Variants in DMTF1 observed in about 807,000 individuals in gnomAD.
DMTF1 encodes the protein cyclin D binding myb like transcription factor 1, also known as cyclin-D-binding Myb-like transcription factor 1.
Under a neutral mutation model 91.1 loss-of-function variants are expected in DMTF1, and 39 were observed. That is an observed-to-expected ratio of 0.43 (90% confidence interval 0.33 to 0.56). The LOEUF (loss-of-function observed/expected upper bound fraction) is 0.56. DMTF1 is among the 20% of genes least tolerant of loss of function. The pLI is 0.05. For synonymous variants in DMTF1, 338 were observed against 309.5 expected, an observed-to-expected ratio of 1.09 and a Z score of -0.97; for missense variants, 750 against 914.5, an observed-to-expected ratio of 0.82 and a Z score of 2.32.
intron 10 of DMTF1, among the ~76,000 whole-genome samples, chr7:87,182,803 T>A (rs950424555): frequency 2.0e-5 from 3 of 152,244 alleles, no homozygotes; most frequent in Non-Finnish European, 1.5e-5. Context: ...TTTGCTTATT[T>A]TAAACTCAAA....
intron 12 of DMTF1, chr7:87,187,772 CTAAA>C (rs1798787431): frequency 3.3e-6 from 1 of 306,282 alleles, no homozygotes; most frequent in South Asian, 4.3e-5. Flanking sequence ...AGTATTCTTC[CTAAA>C]TAATAATCCT....
At chr7:87,158,919 A>G (rs1356129442) in intron 1 of DMTF1, among the ~76,000 whole-genome samples, 2 of 152,130 alleles carry the variant, frequency 1.3e-5, no homozygotes, top group Non-Finnish European at 2.9e-5. Flanking sequence ...TTTTCAATCA[A>G]TACAAAAATG....
chr7:87,194,074 C>G lies in DMTF1; in HGVS notation c.2000C>G (p.Ser667Cys). The G allele has an allele frequency of 2.5e-6, 4 of 1,605,304 alleles. No homozygotes were observed. The highest frequency in any genetic ancestry group is 3.4e-6 in the Non-Finnish European group (4 of 1,175,918). ...DTDLKQEESP[S>C]DLASAYVTEG... ...GACCTTAAACAAGAGGAATCACCCT[C>G]TGATTTAGCCAGTGCTTATGTTACT... The change falls in exon 16 of 18, where the codon TCT becomes TGT. Residue 667 changes from serine to cysteine, a missense_variant. Coordinates refer to ENST00000331242, the MANE Select transcript of DMTF1 (RefSeq NM_001142327.2).
intron 1 of DMTF1, among the ~76,000 whole-genome samples, chr7:87,157,124 A>G (rs1424330319): frequency 6.6e-6 from 1 of 152,138 alleles, no homozygotes; most frequent in Non-Finnish European, 1.5e-5. Flanking sequence ...GTCAGGAGAA[A>G]AAAACATCTG....
chr7:87,173,753 G>A (rs1406444603), intron 6 of DMTF1, 104 bp downstream of exon 6: 2 of 537,244 alleles, frequency 3.7e-6, no homozygotes, highest in Admixed American at 3.8e-5. Flanking sequence ...CTGGGATTGA[G>A]CAGTTAGAGT....
intron 12 of DMTF1, chr7:87,187,224 A>G (rs991242561): frequency 5.9e-5 from 9 of 152,148 alleles, no homozygotes; most frequent in Admixed American, 2.0e-4. Flanking sequence ...CTTGATGAAA[A>G]TGTGGTTTTT....
At chr7:87,179,010 A>G (rs926921604) in intron 7 of DMTF1, among the ~76,000 whole-genome samples, 1 of 151,990 alleles carries the variant, frequency 6.6e-6, no homozygotes, top group African/African-American at 2.4e-5. Flanking sequence ...CATTTTACCA[A>G]CATTTAAATT....
chr7:87,159,056 A>G (rs1462080470), intron 1 of DMTF1, among the ~76,000 whole-genome samples: 1 of 152,170 alleles, frequency 6.6e-6, no homozygotes, highest in Non-Finnish European at 1.5e-5. Context: ...ATAAAAATTT[A>G]CAGATGGTGG....
chr7:87,175,136 T>G (rs1437340818), intron 7 of DMTF1, among the ~76,000 whole-genome samples: 1 of 151,742 alleles, frequency 6.6e-6, no homozygotes, highest in Non-Finnish European at 1.5e-5. Context: ...TTCTCCTGCC[T>G]CAGCCTCCTG....
chr7:87,194,898 T>TA, intron 17 of DMTF1, 70 bp downstream of exon 17: 1 of 1,513,164 alleles, frequency 6.6e-7, no homozygotes, highest in Non-Finnish European at 9.0e-7. Flanking sequence ...TTTAATTAAC[T>TA]TGTTTCAGTC....
In DMTF1 at chr7:87,175,610, A is replaced by C. The variant is rs1392966876; in HGVS notation, c.519+941A>C. On this transcript the variant is annotated intron_variant, in intron 7 of 17. Transcript: ENST00000331242. ...GAATGATACATGTGAATTCTGTACA[A>C]GATTACAGAAAGAAGAGTTTTTAGA... Among the ~76,000 whole-genome samples the C allele has an allele frequency of 5.3e-5, 8 of 152,200 alleles. No homozygotes were observed. The East Asian group carries it at 1.2e-3, about 22-fold the overall frequency.
At chr7:87,164,610 T>TA (rs1793370049) in intron 2 of DMTF1, among the ~76,000 whole-genome samples, 1 of 152,200 alleles carries the variant, frequency 6.6e-6, no homozygotes, top group African/African-American at 2.4e-5. Flanking sequence ...AAAAACACAG[T>TA]AAAAAAGTGG....
At position 87,163,510 on chromosome 7, in the gene DMTF1, G is replaced by A. The variant is rs949777358; in HGVS notation, c.-116G>A. On this transcript the variant is annotated 5_prime_UTR_variant, in exon 2 of 18. Transcript: ENST00000331242. Reference sequence around the variant, plus strand: ...ACTTTTTCAGAGTGTTGCGGAGATAGGAACATGGGAGAGAAACAATCTGGG... The same window carrying A: ...ACTTTTTCAGAGTGTTGCGGAGATAAGAACATGGGAGAGAAACAATCTGGG... 1 of 152,234 alleles carries A rather than the reference G, an allele frequency of 6.6e-6. No homozygotes were observed. Among genetic ancestry groups the A allele is most frequent in the Non-Finnish European group, 1.5e-5 (1 of 68,070 alleles). 9.4% of individuals were successfully genotyped at this position (152,234 alleles called of 1,614,324 possible). A position where few individuals can be genotyped will look rare whatever the true frequency, so the allele number is the denominator to read the frequency against.
intron 13 of DMTF1, among the ~76,000 whole-genome samples, chr7:87,189,783 A>T (rs542287642): frequency 6.6e-6 from 1 of 152,084 alleles, no homozygotes; most frequent in African/African-American, 2.4e-5. Context: ...TTTAGCTTTT[A>T]AACAACCCTT....
chr7:87,179,792 C>A, intron 8 of DMTF1, 90 bp downstream of exon 8: 2 of 1,217,782 alleles, frequency 1.6e-6, no homozygotes, highest in South Asian at 1.5e-5. Flanking sequence ...GAAATATGGT[C>A]AAGGTATTAA....
rs751405494 is a variant in DMTF1 at position 87,193,917 on chromosome 7, G to A, written c.1843G>A (p.Glu615Lys). ...DALEADTFPDEIHHPKMTVEP... is the reference protein window; with the variant it reads ...DALEADTFPDKIHHPKMTVEP... ...CCTAGAAGCAGACACTTTCCCAGAT[G>A]AAATTCATCACCCTAAGATGACTGT... The change falls in exon 16 of 18, where the codon GAA (glutamate) becomes AAA (lysine). Residue 615 changes from glutamate (E) to lysine (K), a missense_variant. Physicochemically the swap from Glu to Lys is moderately conservative, Grantham distance 56 (BLOSUM62 1). Around this residue, in one of 3 missense-constraint regions of DMTF1, gnomAD observed 410 missense variants for 420.2 expected, o/e 0.98. Coordinates refer to ENST00000331242, the MANE Select transcript of DMTF1 (RefSeq NM_001142327.2). 1.9e-6 allele frequency: 3 copies of A among 1,613,310 alleles called. No individual in the cohort carries two copies. The highest frequency in any genetic ancestry group is 1.7e-6 in the Non-Finnish European group (2 of 1,179,624).
intron 10 of DMTF1, among the ~76,000 whole-genome samples, chr7:87,183,277 G>A (rs2129153526): frequency 6.6e-6 from 1 of 152,330 alleles, no homozygotes; most frequent in Middle Eastern, 3.4e-3. Flanking sequence ...CTTAATGAAA[G>A]AAGCAGGGCT....
At chr7:87,181,127 G>C (rs1286169767) in intron 8 of DMTF1, 182 bp from the exon 9 acceptor site, 1 of 378,448 alleles carries the variant, frequency 2.6e-6, no homozygotes, top group Non-Finnish European at 5.0e-6. Flanking sequence ...TGGGATTATA[G>C]GCGTGAGCCG....
rs147629725 is a variant in DMTF1, at chr7:87,186,666, A to G, written c.1201+686A>G. ...ATACACAAATATTTACCATTGTGTTACAGTTGCCTACAGTATTTGGTACAG... is the reference window on the plus strand; with the variant it reads ...ATACACAAATATTTACCATTGTGTTGCAGTTGCCTACAGTATTTGGTACAG... On this transcript the variant is annotated intron_variant, in intron 12 of 17. Coordinates refer to ENST00000331242, the MANE Select transcript of DMTF1 (RefSeq NM_001142327.2). The G allele has an allele frequency of 7.1e-3, 1,085 of 152,414 alleles. 40 individuals are homozygous for G. The highest frequency in any genetic ancestry group is 0.063 in the Admixed American group (968 of 15,306). The allele number at this position is 152,414 out of a possible 1,614,324, so 9.4% of individuals were successfully genotyped here. A position where few individuals can be genotyped will look rare whatever the true frequency, so the allele number is the denominator to read the frequency against.
Sources: allele counts gnomAD v4.1 joint callset (sites outside exome capture counted in the v4.1 genomes callset), GRCh38; gene constraint gnomAD v4.1.1; regional missense constraint gnomAD v4.1.1; transcripts MANE v1.5; gene names NCBI Gene and HGNC (gene_info 2026-07-23, HGNC 2026-07-21).